NRG1: variants seen among roughly 807,000 people sequenced by gnomAD.
NRG1 encodes the protein neuregulin 1.
A neutral mutation model predicts 63.8 loss-of-function variants in NRG1; 18 were observed. The ratio of observed to expected loss-of-function variants is 0.28; its 90% CI spans 0.19 to 0.42. NRG1 has a LOEUF of 0.42. NRG1 is among the 10% of genes least tolerant of loss of function. The pLI, the probability that NRG1 is intolerant of heterozygous loss-of-function variation, is 1.00. For missense variants in NRG1, 762 were observed against 814.7 expected, an observed-to-expected ratio of 0.94 and a Z score of 0.79; for synonymous variants, 302 against 301.3, an observed-to-expected ratio of 1.00 and a Z score of -0.02.
chr8:32,636,125 G>A (rs1851293430), intron 5 of NRG1, among the ~76,000 whole-genome samples: 1 of 151,908 alleles, frequency 6.6e-6, no homozygotes, highest in African/African-American at 2.4e-5. Context: ...CACTTCTAAA[G>A]ACTTATGTTT....
intron 1 of NRG1, among the ~76,000 whole-genome samples, chr8:32,466,342 A>T (rs1003344638): frequency 1.3e-5 from 2 of 149,572 alleles, no homozygotes; most frequent in African/African-American, 4.9e-5. Context: ...ACAAAATTTC[A>T]CTGATGACAA....
chr8:32,207,357 C>G (rs7005239), intron 1 of NRG1, among the ~76,000 whole-genome samples: 6,457 of 152,024 alleles, frequency 0.042, 204 homozygotes, highest in Middle Eastern at 0.092. Flanking sequence ...GCAGAAATGA[C>G]CATTACTTTT....
intron 1 of NRG1, among the ~76,000 whole-genome samples, chr8:32,030,997 A>G (rs948368853): frequency 1.3e-5 from 2 of 152,168 alleles, no homozygotes; most frequent in African/African-American, 2.4e-5. Flanking sequence ...GTGTTACTGC[A>G]TTGCCCCTCT....
chr8:31,933,412 C>T (rs1400703797), intron 1 of NRG1, among the ~76,000 whole-genome samples: 1 of 152,094 alleles, frequency 6.6e-6, no homozygotes, highest in Non-Finnish European at 1.5e-5. Flanking sequence ...TCCCGAGTAG[C>T]TGGGATTACA....
intron 1 of NRG1, among the ~76,000 whole-genome samples, chr8:31,984,326 A>G (rs1809671585): frequency 6.6e-6 from 1 of 152,088 alleles, no homozygotes. Flanking sequence ...GCCCCCTTTC[A>G]TAAAATCTCA....
chr8:31,882,960 T>C (rs1830462570), intron 1 of NRG1, among the ~76,000 whole-genome samples: 1 of 152,076 alleles, frequency 6.6e-6, no homozygotes, highest in Non-Finnish European at 1.5e-5. Context: ...ATTTAGAACA[T>C]TACATAAACT....
At chr8:32,259,734 C>G (rs12549259) in intron 1 of NRG1, among the ~76,000 whole-genome samples, 26,847 of 151,968 alleles carry the variant, frequency 0.18, 2,756 homozygotes, top group African/African-American at 0.27. Flanking sequence ...TTCAACCTTC[C>G]TTTTCCCTAT....
At chr8:31,778,802 G>C (rs1334782370) in intron 1 of NRG1, among the ~76,000 whole-genome samples, 3 of 152,176 alleles carry the variant, frequency 2.0e-5, no homozygotes, top group Admixed American at 1.3e-4. Context: ...TGTGCAGAAG[G>C]CCTTGTTTCA....
intron 1 of NRG1, among the ~76,000 whole-genome samples, chr8:32,475,703 G>A (rs1174574912): frequency 1.3e-5 from 2 of 152,004 alleles, no homozygotes; most frequent in African/African-American, 2.4e-5. Context: ...ATGCCACCAT[G>A]CCTAGCCTGT....
chr8:32,724,750 G>A (rs751048592), intron 5 of NRG1, among the ~76,000 whole-genome samples: 1 of 152,076 alleles, frequency 6.6e-6, no homozygotes, highest in African/African-American at 2.4e-5. Flanking sequence ...CTTACAATTC[G>A]TGATCATTTT....
intron 1 of NRG1, among the ~76,000 whole-genome samples, chr8:32,225,876 TAGTC>T (rs1173914467): frequency 2.0e-5 from 3 of 152,284 alleles, no homozygotes; most frequent in Non-Finnish European, 4.4e-5. Flanking sequence ...ATTGCATAAT[TAGTC>T]AGTTTCCTAC....
chr8:31,824,997 T>G (rs1446934023), intron 1 of NRG1, among the ~76,000 whole-genome samples: 6 of 152,260 alleles, frequency 3.9e-5, no homozygotes, highest in Non-Finnish European at 2.9e-5. Context: ...TATTAGTTTT[T>G]ATTAATTGTA....
chr8:32,724,623 C>T (rs1821594340), intron 5 of NRG1, among the ~76,000 whole-genome samples: 1 of 152,156 alleles, frequency 6.6e-6, no homozygotes, highest in South Asian at 2.1e-4. Context: ...GCGAAAATCA[C>T]CATCTCCATC....
intron 1 of NRG1, among the ~76,000 whole-genome samples, chr8:32,251,772 G>T (rs1849135637): frequency 6.6e-6 from 1 of 152,154 alleles, no homozygotes; most frequent in East Asian, 1.9e-4. Flanking sequence ...GTATCTCATT[G>T]TGGTTTTGAG....
At chr8:32,363,965 C>T (rs554219448) in intron 1 of NRG1, among the ~76,000 whole-genome samples, 1 of 150,406 alleles carries the variant, frequency 6.6e-6, no homozygotes, top group African/African-American at 2.4e-5. Context: ...GAAGTGAACA[C>T]TAAAAAGGGT....
At chr8:32,396,658 G>A (rs1276000382) in intron 1 of NRG1, among the ~76,000 whole-genome samples, 1 of 152,116 alleles carries the variant, frequency 6.6e-6, no homozygotes, top group Admixed American at 6.5e-5. Flanking sequence ...ATGTTGGTTA[G>A]GCTAGTGTTG....
At chr8:31,700,317 G>T (rs1810505146) in intron 1 of NRG1, among the ~76,000 whole-genome samples, 1 of 152,098 alleles carries the variant, frequency 6.6e-6, no homozygotes, top group South Asian at 2.1e-4. Flanking sequence ...TAGACTTTTA[G>T]TTGAATAAGT....
chr8:31,840,767 T>G (rs763468793), intron 1 of NRG1, among the ~76,000 whole-genome samples: 2 of 152,184 alleles, frequency 1.3e-5, no homozygotes, highest in Non-Finnish European at 2.9e-5. Context: ...AGCTGGTATA[T>G]GTAGAGCAAC....
intron 1 of NRG1, among the ~76,000 whole-genome samples, chr8:32,282,487 G>A (rs909623165): frequency 2.0e-5 from 3 of 152,140 alleles, no homozygotes; most frequent in South Asian, 4.1e-4. Context: ...CCTGCAAAGC[G>A]TGCCATCAGC....
Sources: allele counts gnomAD v4.1 joint callset (sites outside exome capture counted in the v4.1 genomes callset), GRCh38; gene constraint gnomAD v4.1.1; transcripts MANE v1.5; gene names NCBI Gene and HGNC (gene_info 2026-07-23, HGNC 2026-07-21).